Variants in RAP1GAP2 observed in about 807,000 individuals in gnomAD.
RAP1GAP2 encodes rap1 GTPase-activating protein 2.
RAP1GAP2 carries 27 observed loss-of-function variants against 95.0 expected under a neutral mutation model. The observed-to-expected ratio is 0.28, with a 90% CI of 0.21 to 0.39. The LOEUF (loss-of-function observed/expected upper bound fraction) is 0.39, where lower values mean the gene tolerates loss of function less well. RAP1GAP2 is among the 10% of genes least tolerant of loss of function. RAP1GAP2 has a pLI of 1.00. For synonymous variants in RAP1GAP2, 373 were observed against 380.9 expected (o/e 0.98, Z 0.24); for missense variants, 771 against 970.0 (o/e 0.79, Z 2.72).
rs13342146 is a variant in RAP1GAP2, at chr17:2,867,556, C to T, written c.81-37728C>T. Among the ~76,000 whole-genome samples, 1,462 of 152,274 alleles carry T rather than the reference C, an allele frequency of 9.6e-3. 22 individuals carry two copies. Among genetic ancestry groups the T allele is most frequent in the African/African-American group, 0.032 (1,343 of 41,546 alleles). ...GCAGATGTCCCAGGGATGGCTCACC[C>T]TGGACAGAAAGTGAGTCACATACGC... On this transcript the variant is annotated intron_variant, in intron 2 of 24. Transcript: ENST00000254695. This position sits in a 1 kb window ranked among gnomAD's most constrained non-coding sequence, Gnocchi z 4.5.
At chr17:2,832,410 T>G (rs1429140336) in intron 2 of RAP1GAP2, among the ~76,000 whole-genome samples, 4 of 149,312 alleles carry the variant, frequency 2.7e-5, no homozygotes, top group Non-Finnish European at 1.5e-5. Context: ...TACAAAAAAT[T>G]ACCCAGGTGT....
intron 3 of RAP1GAP2, among the ~76,000 whole-genome samples, chr17:2,940,516 G>A (rs892159119): frequency 6.6e-6 from 1 of 152,240 alleles, no homozygotes; most frequent in African/African-American, 2.4e-5. Context: ...TGGACGCTTG[G>A]AGCTGGCCAG....
In RAP1GAP2 at chr17:2,965,112, G is replaced by T. The variant is rs1567832458; in HGVS notation, c.493-428G>T. On this transcript the variant is annotated intron_variant, in intron 7 of 24. Coordinates refer to ENST00000254695, the MANE Select transcript of RAP1GAP2 (RefSeq NM_015085.5). This position sits in a 1 kb window ranked among gnomAD's most constrained non-coding sequence, Gnocchi z 4.7. Reference sequence around the variant, plus strand: ...GTCTTGCCCCAGATAGTGTGAACTGGTGAGGGCCGCCCCATGGGAATGAGA... The same window carrying T: ...GTCTTGCCCCAGATAGTGTGAACTGTTGAGGGCCGCCCCATGGGAATGAGA... The T allele has an allele frequency of 5.5e-6, 1 of 182,032 alleles. No homozygotes were observed. The highest frequency in any genetic ancestry group is 1.5e-4 in the East Asian group (1 of 6,854). The allele number at this position is 182,032 out of a possible 1,614,324, so 11.3% of individuals were successfully genotyped here.
chr17:2,810,928 T>A (rs1410554238), intron 2 of RAP1GAP2, among the ~76,000 whole-genome samples: 1 of 152,108 alleles, frequency 6.6e-6, no homozygotes, highest in African/African-American at 2.4e-5. Context: ...GCTCATTACC[T>A]TGTATGGATG....
chr17:2,825,948 G>C lies in RAP1GAP2; in HGVS notation c.80+25398G>C, dbSNP rs528255703. Among the ~76,000 whole-genome samples, 1 of 122,550 alleles carries C rather than the reference G, an allele frequency of 8.2e-6. No individual in the cohort carries two copies. Among genetic ancestry groups the C allele is most frequent in the Non-Finnish European group, 1.9e-5 (1 of 52,790 alleles). The allele number at this position is 122,550 out of a possible 152,430, so 80.4% of individuals were successfully genotyped here. A position where few individuals can be genotyped will look rare whatever the true frequency, so the allele number is the denominator to read the frequency against. Reference sequence around the variant, plus strand: ...AATCCCTAGGAAGAGAAGGTTGCAGGGGGCATTTTTTTTCTTTTTTCTTTC... The same window carrying C: ...AATCCCTAGGAAGAGAAGGTTGCAGCGGGCATTTTTTTTCTTTTTTCTTTC... On this transcript the variant is annotated intron_variant, in intron 2 of 24. Coordinates refer to ENST00000254695, the MANE Select transcript of RAP1GAP2 (RefSeq NM_015085.5). This position sits in a 1 kb window ranked among gnomAD's most constrained non-coding sequence, Gnocchi z 4.1.
intron 3 of RAP1GAP2, among the ~76,000 whole-genome samples, chr17:2,918,732 T>C (rs2042655347): frequency 6.6e-6 from 1 of 152,080 alleles, no homozygotes; most frequent in Non-Finnish European, 1.5e-5. Flanking sequence ...TCTGATCCAG[T>C]CAGCTCCCTG....
chr17:2,956,959 TC>T (rs2044131010), intron 3 of RAP1GAP2, among the ~76,000 whole-genome samples: 1 of 152,012 alleles, frequency 6.6e-6, no homozygotes, highest in African/African-American at 2.4e-5. Context: ...AAACCCCGTC[TC>T]TACTAAAAAT....
chr17:3,002,123 C>T (rs935976486), intron 14 of RAP1GAP2, among the ~76,000 whole-genome samples: 11 of 152,186 alleles, frequency 7.2e-5, no homozygotes, highest in Admixed American at 2.0e-4. Flanking sequence ...CCACCATGCC[C>T]GGCTAATTTT....
intron 8 of RAP1GAP2, among the ~76,000 whole-genome samples, chr17:2,968,701 A>T (rs2044719838): frequency 6.6e-6 from 1 of 152,194 alleles, no homozygotes; most frequent in African/African-American, 2.4e-5. Flanking sequence ...ATATGTGATG[A>T]TAATAAATAT....
In RAP1GAP2 at chr17:3,008,848, T is replaced by C. The variant is rs1007054532; in HGVS notation, c.1494+703T>C. ...TCTGGCTCGAGCCTGGCTGTCAGCC[T>C]GTGCAGGTGGCGGAACGGGTCTTGT... is the stretch of plus-strand genomic sequence containing the variant. On this transcript the variant is annotated intron_variant, in intron 17 of 24. Transcript: ENST00000254695. The surrounding 1 kb of genome is among the most constrained non-coding windows in gnomAD (Gnocchi z 4.2). Among the ~76,000 whole-genome samples the C allele has an allele frequency of 2.6e-5, 4 of 152,180 alleles. No individual in the cohort carries two copies. Among genetic ancestry groups the C allele is most frequent in the African/African-American group, 9.7e-5 (4 of 41,448 alleles).
At chr17:2,879,352 G>A (rs2073206287) in intron 2 of RAP1GAP2, among the ~76,000 whole-genome samples, 1 of 150,050 alleles carries the variant, frequency 6.7e-6, no homozygotes, top group African/African-American at 2.4e-5. Flanking sequence ...CTGACCTCAA[G>A]TGATCCACCC....
At chr17:2,971,995 TG>T (rs1567841395) in intron 8 of RAP1GAP2, among the ~76,000 whole-genome samples, 1 of 152,174 alleles carries the variant, frequency 6.6e-6, no homozygotes, top group African/African-American at 2.4e-5. Context: ...ACCACAGATG[TG>T]AAGAAGATTA....
chr17:2,794,190 C>T (rs904314702), upstream of RAP1GAP2, among the ~76,000 whole-genome samples: 5 of 152,076 alleles, frequency 3.3e-5, no homozygotes, highest in Non-Finnish European at 7.3e-5. Flanking sequence ...TCCCCACACT[C>T]TCCACAGCCC....
intron 2 of RAP1GAP2, among the ~76,000 whole-genome samples, chr17:2,876,358 T>C: frequency 6.6e-6 from 1 of 152,048 alleles, no homozygotes; most frequent in East Asian, 1.9e-4. Context: ...CCCAAGGTGG[T>C]TGGGCTACAG....
chr17:2,949,054 C>T (rs1039426813), intron 3 of RAP1GAP2, among the ~76,000 whole-genome samples: 15 of 152,212 alleles, frequency 9.9e-5, no homozygotes, highest in African/African-American at 1.9e-4. Flanking sequence ...CTCTGCCTTT[C>T]TGAAGGAAGA....
intron 3 of RAP1GAP2, among the ~76,000 whole-genome samples, chr17:2,949,565 G>C (rs1300707609): frequency 2.0e-5 from 3 of 150,544 alleles, no homozygotes; most frequent in South Asian, 2.1e-4. Context: ...AGCATTAACT[G>C]AGTGCCTGCT....
chr17:2,908,874 T>G (rs370575746), intron 3 of RAP1GAP2, among the ~76,000 whole-genome samples: 2 of 151,898 alleles, frequency 1.3e-5, no homozygotes, highest in African/African-American at 4.8e-5. Context: ...CCCAGCTAAT[T>G]TAAAAATTTT....
chr17:2,892,734 CATTCCTGAAAGTGAG>C (rs1264400051), intron 2 of RAP1GAP2, among the ~76,000 whole-genome samples: 24 of 152,162 alleles, frequency 1.6e-4, no homozygotes, highest in Admixed American at 5.2e-4. Context: ...TCCTGTGACT[CATTCCTGAAAGTGAG>C]GTAATGTTAC....
intron 8 of RAP1GAP2, among the ~76,000 whole-genome samples, chr17:2,966,292 T>C (rs1332295787): frequency 6.6e-6 from 1 of 152,244 alleles, no homozygotes; most frequent in African/African-American, 2.4e-5. Flanking sequence ...CCCTGTTCTC[T>C]GAAAGGCATA....
Sources: gnomAD v4.1 joint callset for allele counts (sites outside exome capture counted in the v4.1 genomes callset) on GRCh38, gnomAD v4.1.1 for gene constraint, Gnocchi (gnomAD v3.1) non-coding constraint, MANE v1.5 for transcripts, NCBI Gene and HGNC (gene_info 2026-07-23, HGNC 2026-07-21) for gene names.